XRN2: variants seen among roughly 807,000 people sequenced by gnomAD.
The protein encoded by XRN2 is 5'-3' exoribonuclease 2.
A neutral mutation model predicts 138.5 loss-of-function variants in XRN2; 44 were observed. The observed-to-expected ratio is 0.32, with a 90% CI of 0.25 to 0.41. The LOEUF is 0.41. XRN2 is among the 10% of genes least tolerant of loss of function. The probability of loss-of-function intolerance (pLI) is 1.00; values close to 1 mark genes in which losing one functional copy is unlikely to be tolerated. For missense variants in XRN2, 937 were observed against 1,169.3 expected, an observed-to-expected ratio of 0.80 and a Z score of 2.90; for synonymous variants, 354 against 369.4, an observed-to-expected ratio of 0.96 and a Z score of 0.48.
intron 17 of XRN2, among the ~76,000 whole-genome samples, chr20:21,346,778 C>G (rs1254481966): frequency 6.6e-6 from 1 of 151,862 alleles, no homozygotes; most frequent in Non-Finnish European, 1.5e-5. Flanking sequence ...ACCACCACAC[C>G]CGGCTAATTT....
intron 24 of XRN2, among the ~76,000 whole-genome samples, chr20:21,360,385 T>C (rs2038624024): frequency 2.0e-5 from 3 of 152,210 alleles, no homozygotes. Flanking sequence ...CGTTTATTGC[T>C]TTGCTTTTCT....
chr20:21,357,688 A>G, intron 23 of XRN2, 48 bp from the exon 24 acceptor site: 2 of 1,477,438 alleles, frequency 1.4e-6, no homozygotes, highest in Non-Finnish European at 9.1e-7. Flanking sequence ...CACTTACCTA[A>G]AAGGTTACAG....
chr20:21,382,080 CTT>C, intron 28 of XRN2, 23 bp downstream of exon 28: 1 of 1,582,402 alleles, frequency 6.3e-7, no homozygotes. Flanking sequence ...GTAGACATGA[CTT>C]TTAAATACTT....
intron 27 of XRN2, among the ~76,000 whole-genome samples, chr20:21,379,211 C>CT (rs958020271): frequency 6.6e-6 from 1 of 152,196 alleles, no homozygotes; most frequent in Non-Finnish European, 1.5e-5. Context: ...ATTTTCCACT[C>CT]TCGCCTGTAC....
chr20:21,377,866 A>G (rs1430411247), intron 27 of XRN2, among the ~76,000 whole-genome samples: 2 of 152,100 alleles, frequency 1.3e-5, no homozygotes, highest in South Asian at 2.1e-4. Context: ...TTTTGTCCCT[A>G]GGGAGATAGG....
At chr20:21,378,918 T>G (rs964534586) in intron 27 of XRN2, among the ~76,000 whole-genome samples, 2 of 152,208 alleles carry the variant, frequency 1.3e-5, no homozygotes, top group African/African-American at 4.8e-5. Flanking sequence ...TGATAACTTG[T>G]TGGAATCGAG....
rs73130913 is a variant in XRN2, at chr20:21,343,172, G to A, written c.1411-918G>A. Among the ~76,000 whole-genome samples, 926 of 152,218 alleles carry A rather than the reference G, an allele frequency of 6.1e-3. 3 individuals carry two copies. Among genetic ancestry groups the A allele is most frequent in the Non-Finnish European group, 0.011 (744 of 67,994 alleles). ...TTACTTGAAATAGCTAATATACTGT[G>A]AGTAACAGAAGAAAAACTTGACTGT... On this transcript the variant is annotated intron_variant, in intron 15 of 29. Transcript: ENST00000377191.
chr20:21,312,843 C>G (rs2037901641), intron 1 of XRN2, among the ~76,000 whole-genome samples: 2 of 151,800 alleles, frequency 1.3e-5, no homozygotes, highest in Non-Finnish European at 2.9e-5. Flanking sequence ...CTCAGGCGAT[C>G]CGCCTGCCTC....
chr20:21,340,701 A>G lies in XRN2; in HGVS notation c.1279-20A>G, dbSNP rs1160178157. ...GTTGTGATTTAATTTTAATTTCTAC[A>G]TTCATTCCATTTATGTTAGAGAGAT... On this transcript the variant is annotated intron_variant, in intron 14 of 29. Coordinates refer to ENST00000377191, the MANE Select transcript of XRN2 (RefSeq NM_012255.5). 2 of 1,607,324 alleles carry G rather than the reference A, an allele frequency of 1.2e-6. No homozygotes were observed. Among genetic ancestry groups the G allele is most frequent in the South Asian group, 1.1e-5 (1 of 89,786 alleles).
At chr20:21,344,509 CTA>C in intron 16 of XRN2, among the ~76,000 whole-genome samples, 1 of 152,114 alleles carries the variant, frequency 6.6e-6, no homozygotes. Flanking sequence ...TTAGCTCTGA[CTA>C]TGTGATCTGA....
chr20:21,320,008 A>T (rs1261690328), intron 1 of XRN2, among the ~76,000 whole-genome samples: 1 of 152,180 alleles, frequency 6.6e-6, no homozygotes, highest in Non-Finnish European at 1.5e-5. Flanking sequence ...TACCATCTAG[A>T]GTCACTTGCT....
chr20:21,326,487 T>C lies in XRN2; in HGVS notation c.204-3T>C, dbSNP rs537561401. 5.0e-6 allele frequency: 8 copies of C among 1,613,992 alleles called. No homozygotes were observed. In the East Asian group the frequency reaches 1.3e-4, roughly 27 times the overall value. On this transcript the variant is annotated splice_region_variant and splice_polypyrimidine_tract_variant and intron_variant, in intron 2 of 29. Transcript: ENST00000377191. The stretch of plus-strand genomic sequence containing the variant: ...ATATTACATTGTTTGGTTGTCATTA[T>C]AGACCAGCACCAAAAAATGAAGATG...
rs142498243 is a variant in XRN2 at position 21,351,436 on chromosome 20, A to G, written c.1936+1975A>G. On this transcript the variant is annotated intron_variant, in intron 20 of 29. Transcript: ENST00000377191. ...GTTCAAATCCTTTGCTCAATTTTGA[A>G]TTGGGTTGATTTTGTTGTTGCATTA... Among the ~76,000 whole-genome samples, 226 of 152,244 alleles carry G rather than the reference A, an allele frequency of 1.5e-3. 1 individual carries two copies. Among genetic ancestry groups the G allele is most frequent in the Non-Finnish European group, 2.6e-3 (178 of 68,006 alleles).
intron 27 of XRN2, among the ~76,000 whole-genome samples, chr20:21,379,974 T>C (rs953664946): frequency 2.6e-5 from 4 of 152,198 alleles, no homozygotes; most frequent in Non-Finnish European, 4.4e-5. Flanking sequence ...TATCTTTGTA[T>C]TGTCTTCATT....
At chr20:21,331,468 T>TAG in intron 6 of XRN2, 93 bp from the exon 7 acceptor site, 2 of 1,064,792 alleles carry the variant, frequency 1.9e-6, no homozygotes, top group Non-Finnish European at 2.8e-6. Context: ...CCGTAACACT[T>TAG]ATCTCAGTTT....
rs757475279 is a variant in XRN2, at chr20:21,357,687, A to G, written c.2199-49A>G. On this transcript the variant is annotated intron_variant, in intron 23 of 29. Transcript: ENST00000377191. ...AGCAACATCTTATTTCCACTTACCT[A>G]AAAGGTTACAGTTTACAGAGAGATG... The G allele has an allele frequency of 3.4e-6, 5 of 1,470,910 alleles. No homozygotes were observed. In the South Asian group the frequency reaches 5.6e-5, roughly 16 times the overall value. The allele number at this position is 1,470,910 out of a possible 1,614,324, so 91.1% of individuals were successfully genotyped here.
At chr20:21,366,086 T>TTA (rs1171710451) in intron 26 of XRN2, among the ~76,000 whole-genome samples, 8 of 115,494 alleles carry the variant, frequency 6.9e-5, no homozygotes, top group South Asian at 2.4e-4. Flanking sequence ...TATTTATAGT[T>TTA]TATATATATA....
At chr20:21,361,282 T>C (rs558184844) in intron 24 of XRN2, among the ~76,000 whole-genome samples, 125 of 152,320 alleles carry the variant, frequency 8.2e-4, no homozygotes, top group Non-Finnish European at 1.5e-3. Context: ...TACTTTGCCC[T>C]TGATGTGTTT....
At chr20:21,356,261 C>T (rs2038575333) in intron 22 of XRN2, 84 bp downstream of exon 22, 2 of 1,085,256 alleles carry the variant, frequency 1.8e-6, no homozygotes, top group East Asian at 5.0e-5. Context: ...ACCATTATAA[C>T]CATTTTTAAG....
Sources: allele counts gnomAD v4.1 joint callset (sites outside exome capture counted in the v4.1 genomes callset), GRCh38; gene constraint gnomAD v4.1.1; transcripts MANE v1.5; gene names NCBI Gene and HGNC (gene_info 2026-07-23, HGNC 2026-07-21).